Variants in MARF1 observed in about 807,000 individuals in gnomAD.
The protein encoded by MARF1 is meiosis regulator and mRNA stability factor 1.
A neutral mutation model predicts 168.2 loss-of-function variants in MARF1; 24 were observed. That is an observed-to-expected ratio of 0.14 (90% CI 0.10 to 0.20). The LOEUF (loss-of-function observed/expected upper bound fraction) is 0.20, where lower values mean the gene tolerates loss of function less well. Ranked by LOEUF, MARF1 falls within the 10% of genes least tolerant of loss-of-function variation. MARF1 has a pLI of 1.00. For synonymous variants in MARF1, 868 were observed against 822.4 expected (o/e 1.06, Z -0.95); for missense variants, 1,744 against 2,143.6 (o/e 0.81, Z 3.68).
rs147720054 is a variant in MARF1 at position 15,608,532 on chromosome 16, C to A, written c.3955-14G>T. ...ACATTCCAATACCTTTGAAAACACA[C>A]GGGGGGAGGAAAGGGAAAATAAACA... On this transcript the variant is annotated splice_polypyrimidine_tract_variant and intron_variant, in intron 20 of 26. Transcript: ENST00000396368. 2.5e-6 allele frequency: 4 copies of A among 1,575,798 alleles called. No homozygotes were observed. The South Asian group carries it at 3.3e-5, about 13-fold the overall frequency.
intron 26 of MARF1, among the ~76,000 whole-genome samples, chr16:15,598,486 C>T (rs544117925): frequency 2.0e-5 from 3 of 152,268 alleles, no homozygotes; most frequent in African/African-American, 2.4e-5. Context: ...GCCCTCTGGA[C>T]CCCCACCATG....
In MARF1 at chr16:15,638,971, G is replaced by T. The variant is rs147126717; in HGVS notation, c.144+119C>A. On this transcript the variant is annotated intron_variant, in intron 2 of 26. Transcript: ENST00000396368. ...GTGGTATAAGAGGCAATACAGGCAA[G>T]ATCTACAGAAAAATGTGGCACAGAC... 1.0e-4 allele frequency: 103 copies of T among 984,266 alleles called. No homozygotes were observed. In the African/African-American group the frequency reaches 1.6e-3, roughly 15 times the overall value. The allele number at this position is 984,266 out of a possible 1,614,324, so 61.0% of individuals were successfully genotyped here. A position where few individuals can be genotyped will look rare whatever the true frequency, so the allele number is the denominator to read the frequency against.
chr16:15,620,626 A>T (rs2034388982), intron 12 of MARF1, 95 bp from the exon 13 acceptor site: 1 of 750,870 alleles, frequency 1.3e-6, no homozygotes, highest in South Asian at 2.1e-5. Context: ...TGCATATGCA[A>T]AATAAATTTA....
Position 15,625,494 on chromosome 16 carries a change from G to T in MARF1, c.1831C>A (p.Pro611Thr). 5 of 1,614,192 alleles carry T rather than the reference G, an allele frequency of 3.1e-6. No homozygotes were observed. Among genetic ancestry groups the T allele is most frequent in the Non-Finnish European group, 4.2e-6 (5 of 1,180,038 alleles). Residue 611 changes from proline (P) to threonine (T), a missense_variant, in exon 8 of 27, where the codon CCA becomes ACA. By Grantham distance (38) the Pro-to-Thr change is conservative. Around this residue, in one of 7 missense-constraint regions of MARF1, gnomAD observed 270 missense variants for 260.6 expected, o/e 1.04. Transcript: ENST00000396368. Reference protein sequence around the residue: ...KVKSPKKLKNPKLCLIKDASE... With the variant: ...KVKSPKKLKNTKLCLIKDASE... ...GCATCTTTGATGAGGCACAATTTTG[G>T]ATTCTTAAGTTTTTTGGGAGACTTC...
rs1252877621 is a variant in MARF1 at position 15,633,802 on chromosome 16, A to C, written c.1048T>G (p.Leu350Val). ...TCCCAAAAAACTCCAATGGGGGGTA[A>C]GTTTTCTAGCACCTGTCCAGCTACT... ...VAVAGQVLEN[L>V]PPIGVFWDIE... The change falls in exon 5 of 27, where the codon TTA becomes GTA. Residue 350 changes from leucine to valine, a missense_variant. This residue lies in a region of MARF1 where 217 missense variants were observed against 372.4 expected (regional missense o/e 0.58). Transcript: ENST00000396368. 1.9e-6 allele frequency: 3 copies of C among 1,613,944 alleles called. No individual in the cohort carries two copies. The highest frequency in any genetic ancestry group is 2.5e-6 in the Non-Finnish European group (3 of 1,179,972).
intron 5 of MARF1, among the ~76,000 whole-genome samples, chr16:15,631,708 A>G (rs926292512): frequency 6.6e-6 from 1 of 152,008 alleles, no homozygotes; most frequent in African/African-American, 2.4e-5. Context: ...ATGCCCCCAC[A>G]TGTATTAGGT....
intron 5 of MARF1, among the ~76,000 whole-genome samples, chr16:15,632,233 T>C (rs1272854343): frequency 1.3e-5 from 2 of 152,182 alleles, no homozygotes; most frequent in African/African-American, 4.8e-5. Flanking sequence ...TTAAATTTGC[T>C]CTAATAGCTT....
chr16:15,599,272 C>T, intron 25 of MARF1: 1 of 525,444 alleles, frequency 1.9e-6, no homozygotes, highest in African/African-American at 1.9e-5. Flanking sequence ...ACACTGGCCC[C>T]TCAAAAGACC....
chr16:15,599,121 A>C (rs2032103383), intron 25 of MARF1, 97 bp from the exon 26 acceptor site: 1 of 1,019,978 alleles, frequency 9.8e-7, no homozygotes, highest in South Asian at 1.3e-5. Flanking sequence ...TCTAAGCCTT[A>C]AAGATAAGAG....
chr16:15,633,192 C>CAT (rs1317813448), intron 5 of MARF1, among the ~76,000 whole-genome samples: 3 of 150,566 alleles, frequency 2.0e-5, no homozygotes, highest in Admixed American at 2.0e-4. Context: ...CACACACACA[C>CAT]ACACACACAC....
chr16:15,615,848 G>A lies in MARF1; in HGVS notation c.3235C>T (p.Pro1079Ser). ...CACCTACCAGTGTTGGGAGGCGGGG[G>A]CTTGTTGTGAATCCATTTAACCACT... is the stretch of plus-strand genomic sequence containing the variant. ...IKVVKWIHNK[P>S]PPPNTDPWLL... Residue 1079 changes from proline (P) to serine (S), a missense_variant, in exon 16 of 27, where the codon CCC becomes TCC. By Grantham distance (74) the Pro-to-Ser change is moderately conservative. Transcript: ENST00000396368. 1.9e-6 allele frequency: 3 copies of A among 1,574,288 alleles called. No homozygotes were observed. Among genetic ancestry groups the A allele is most frequent in the Admixed American group, 1.8e-5 (1 of 55,074 alleles).
At chr16:15,634,123 G>C (rs2035429641) in intron 4 of MARF1, among the ~76,000 whole-genome samples, 1 of 152,116 alleles carries the variant, frequency 6.6e-6, no homozygotes, top group Non-Finnish European at 1.5e-5. Context: ...GAGCCACTCT[G>C]ACATTAAGCA....
Position 15,598,896 on chromosome 16 carries a change from C to G in MARF1, c.4942G>C (p.Ala1648Pro), listed in dbSNP as rs1294898797. Residue 1648 changes from alanine (A) to proline (P), a missense_variant, in exon 26 of 27, where the codon GCT becomes CCT. Transcript: ENST00000396368. The stretch of plus-strand genomic sequence containing the variant: ...CGCTCCTCAAACTGAATGAGATCAG[C>G]AGATTGGAGGATAACGGGGTCTGGT... ...LRPDPVILQSADLIQFEERPQ... is the reference protein window; with the variant it reads ...LRPDPVILQSPDLIQFEERPQ... 20 of 1,613,904 alleles carry G rather than the reference C, an allele frequency of 1.2e-5. No homozygotes were observed. Among genetic ancestry groups the G allele is most frequent in the Non-Finnish European group, 1.7e-5 (20 of 1,179,998 alleles).
intron 7 of MARF1, among the ~76,000 whole-genome samples, chr16:15,626,423 G>T: frequency 6.6e-6 from 1 of 152,184 alleles, no homozygotes; most frequent in Non-Finnish European, 1.5e-5. Flanking sequence ...TTATTCTGCA[G>T]GTCTGCTGAA....
chr16:15,602,616 G>C (rs747420944), intron 22 of MARF1: 1 of 116,922 alleles, frequency 8.6e-6, no homozygotes, highest in Non-Finnish European at 1.5e-5. Flanking sequence ...AAGAAAGGAG[G>C]AGGAGGAAGG....
chr16:15,640,497 A>G (rs1326436762), intron 1 of MARF1, among the ~76,000 whole-genome samples: 1 of 152,202 alleles, frequency 6.6e-6, no homozygotes, highest in African/African-American at 2.4e-5. Context: ...TGAGCCCAGG[A>G]GTTCCCAACC....
intron 2 of MARF1, among the ~76,000 whole-genome samples, chr16:15,636,592 T>C (rs2035614218): frequency 6.6e-6 from 1 of 152,112 alleles, no homozygotes; most frequent in African/African-American, 2.4e-5. Context: ...CAGACTGGGG[T>C]GGGAGGGCCT....
rs1472243372 is a variant in MARF1 at position 15,631,502 on chromosome 16, C to A, written c.1234-4G>T. ...CATTGATGTGGGCAACGGTTACCTG[C>A]ATTAATTTATAATAAGGGTGAATAA... On this transcript the variant is annotated splice_region_variant and splice_polypyrimidine_tract_variant and intron_variant, in intron 5 of 26. Transcript: ENST00000396368. 1.9e-6 allele frequency: 3 copies of A among 1,599,228 alleles called. No individual in the cohort carries two copies. In the Admixed American group the frequency reaches 5.0e-5, roughly 27 times the overall value.
At chr16:15,608,627 G>A (rs918928394) in intron 20 of MARF1, 109 bp from the exon 21 acceptor site, 64 of 725,378 alleles carry the variant, frequency 8.8e-5, no homozygotes, top group Admixed American at 2.6e-5. Context: ...CAGCGTTACT[G>A]AATGGGTATA....
Sources: gnomAD v4.1 joint callset for allele counts (sites outside exome capture counted in the v4.1 genomes callset) on GRCh38, gnomAD v4.1.1 for gene constraint, gnomAD v4.1.1 regional missense constraint, MANE v1.5 for transcripts, NCBI Gene and HGNC (gene_info 2026-07-23, HGNC 2026-07-21) for gene names.